The following GBF1 variants were observed in gnomAD, a reference collection of about 807,000 sequenced individuals.
GBF1 encodes the protein Golgi-specific brefeldin A-resistance guanine nucleotide exchange factor 1.
In GBF1, 114 loss-of-function variants were observed where a neutral mutation model predicts 210.5. The ratio of observed to expected loss-of-function variants is 0.54; its 90% CI spans 0.47 to 0.63. The LOEUF (loss-of-function observed/expected upper bound fraction) is 0.63, where lower values mean the gene tolerates loss of function less well. Among genes scored for constraint, GBF1 ranks in the 30% least tolerant of loss-of-function variants. The pLI is 0.00. For synonymous variants in GBF1, 850 were observed against 889.2 expected (o/e 0.96, Z 0.78); for missense variants, 1,851 against 2,357.7 (o/e 0.79, Z 4.45).
intron 3 of GBF1, among the ~76,000 whole-genome samples, chr10:102,329,918 G>C (rs2134299160): frequency 6.6e-6 from 1 of 152,204 alleles, no homozygotes; most frequent in African/African-American, 2.4e-5. Context: ...AGACCAGCCT[G>C]GGCAACATAG....
intron 1 of GBF1, among the ~76,000 whole-genome samples, chr10:102,247,492 C>T (rs1383942232): frequency 6.6e-6 from 1 of 152,170 alleles, no homozygotes; most frequent in Admixed American, 6.5e-5. Context: ...TCCTGCCTTG[C>T]TCACTTGGGC....
intron 1 of GBF1, among the ~76,000 whole-genome samples, chr10:102,252,070 T>C (rs966657235): frequency 1.6e-4 from 25 of 152,070 alleles, no homozygotes; most frequent in African/African-American, 6.0e-4. Context: ...CTGGGCGCAG[T>C]GGCTCACACC....
At chr10:102,316,380 G>A (rs115642759) in intron 3 of GBF1, among the ~76,000 whole-genome samples, 1,575 of 152,216 alleles carry the variant, frequency 0.01, 23 homozygotes, top group African/African-American at 0.036. Context: ...GAGCCACCAC[G>A]CTCGGCCTTC....
chr10:102,242,143 C>A (rs1215603926), upstream of GBF1, among the ~76,000 whole-genome samples: 2 of 152,214 alleles, frequency 1.3e-5, no homozygotes, highest in Non-Finnish European at 2.9e-5. Flanking sequence ...TTCCTCATAT[C>A]TTTCCTCTTC....
intron 3 of GBF1, among the ~76,000 whole-genome samples, chr10:102,264,242 G>C (rs1450138488): frequency 6.6e-6 from 1 of 152,164 alleles, no homozygotes; most frequent in Admixed American, 6.5e-5. Flanking sequence ...CAGAACTGTG[G>C]AGGGAAGTCT....
chr10:102,354,913 C>CTTTTTTTTT (rs5787452), intron 8 of GBF1, among the ~76,000 whole-genome samples: 13 of 132,996 alleles, frequency 9.8e-5, no homozygotes, highest in Non-Finnish European at 8.1e-5. Context: ...TAGTTGGGAT[C>CTTTTTTTTT]TTTTTTTTTT....
In GBF1 at chr10:102,377,771, C is replaced by T. The variant is rs543206272; in HGVS notation, c.4494+631C>T. Among the ~76,000 whole-genome samples the T allele has an allele frequency of 5.3e-5, 8 of 152,298 alleles. No individual in the cohort carries two copies. In the East Asian group the frequency reaches 1.5e-3, roughly 29 times the overall value. ...TTCCTGTCCCCAGCTTCTGAGTTCC[C>T]CTCACTAGAGGCAGCCACTGTCACC... is the stretch of plus-strand genomic sequence containing the variant. On this transcript the variant is annotated intron_variant, in intron 33 of 39. Coordinates refer to ENST00000369983, the MANE Select transcript of GBF1 (RefSeq NM_001377137.1).
intron 3 of GBF1, among the ~76,000 whole-genome samples, chr10:102,306,421 A>G (rs1315126217): frequency 6.6e-6 from 1 of 151,294 alleles, no homozygotes; most frequent in African/African-American, 2.4e-5. Flanking sequence ...CTGTCTCTTT[A>G]TTTGTTTTTT....
Position 102,363,632 on chromosome 10 carries a change from T to C in GBF1, c.2018-78T>C. On this transcript the variant is annotated intron_variant, in intron 16 of 39. Transcript: ENST00000369983. This position sits in a 1 kb window ranked among gnomAD's most constrained non-coding sequence, Gnocchi z 4.2. ...CTCCTTCTTGAAACTGGGGAGTATA[T>C]TGGTGACCTTCCAAAAGTCCTTATC... The C allele has an allele frequency of 1.0e-6, 1 of 964,718 alleles. No individual in the cohort carries two copies. The highest frequency in any genetic ancestry group is 1.8e-5 in the Admixed American group (1 of 56,362). 59.8% of individuals were successfully genotyped at this position (964,718 alleles called of 1,614,324 possible).
intron 8 of GBF1, among the ~76,000 whole-genome samples, chr10:102,354,924 T>C (rs896636208): frequency 6.6e-6 from 1 of 151,808 alleles, no homozygotes; most frequent in Non-Finnish European, 1.5e-5. Context: ...TTTTTTTTTT[T>C]TTTTTTTCTT....
intron 3 of GBF1, among the ~76,000 whole-genome samples, chr10:102,261,620 T>C (rs868207445): frequency 0.014 from 2,112 of 149,388 alleles, 40 homozygotes; most frequent in African/African-American, 0.045. Context: ...TCTTTCTTTT[T>C]TTTTTTTTTT....
chr10:102,286,204 T>G (rs202018807), intron 3 of GBF1, among the ~76,000 whole-genome samples: 49,300 of 147,370 alleles, frequency 0.33, 8,715 homozygotes, highest in South Asian at 0.47. Flanking sequence ...GTTTTTTTTT[T>G]TTTTTTTTTT....
At chr10:102,231,499 G>T in the GBF1 span, 10 of 854,290 alleles carry the variant, frequency 1.2e-5, no homozygotes, top group Non-Finnish European at 1.8e-5. Context: ...CGAGGGAGGG[G>T]GCAGGTGGGG....
intron 3 of GBF1, among the ~76,000 whole-genome samples, chr10:102,306,889 G>C (rs2077932258): frequency 6.6e-6 from 1 of 152,212 alleles, no homozygotes; most frequent in Non-Finnish European, 1.5e-5. Context: ...ACTGATCCAT[G>C]TGTCCACAAT....
rs2060148013 is a variant in GBF1 at position 102,370,531 on chromosome 10, G to A, written c.3506+53G>A. The A allele has an allele frequency of 6.7e-5, 98 of 1,453,636 alleles. 1 individual carries two copies. The South Asian group carries it at 1.1e-3, about 16-fold the overall frequency. 90.0% of individuals were successfully genotyped at this position (1,453,636 alleles called of 1,614,324 possible). Reference sequence around the variant, plus strand: ...CCCCATGCTGGGCTTGTGCCAAAGGGATGGAAGCCATCTTGCTGAGTGGGC... The same window carrying A: ...CCCCATGCTGGGCTTGTGCCAAAGGAATGGAAGCCATCTTGCTGAGTGGGC... On this transcript the variant is annotated intron_variant, in intron 28 of 39. Coordinates refer to ENST00000369983, the MANE Select transcript of GBF1 (RefSeq NM_001377137.1).
intron 33 of GBF1, among the ~76,000 whole-genome samples, chr10:102,377,447 G>A (rs959701090): frequency 1.4e-4 from 21 of 151,886 alleles, no homozygotes; most frequent in African/African-American, 1.9e-4. Context: ...TCCACCTCCC[G>A]GGTTCAAGCG....
chr10:102,312,263 A>C (rs2078516003), intron 3 of GBF1, among the ~76,000 whole-genome samples: 1 of 151,704 alleles, frequency 6.6e-6, no homozygotes, highest in Non-Finnish European at 1.5e-5. Context: ...ATTGCACTCC[A>C]GCCTGGGCAA....
In GBF1 at chr10:102,365,433, C is replaced by T. The variant is rs2059858597; in HGVS notation, c.2143C>T (p.Pro715Ser). 3.7e-6 allele frequency: 6 copies of T among 1,614,088 alleles called. No individual in the cohort carries two copies. The East Asian group carries it at 1.1e-4, about 30-fold the overall frequency. The change falls in exon 18 of 40, where the codon CCA becomes TCA. Residue 715 changes from proline (P) to serine (S), a missense_variant. Around this residue, in one of 3 missense-constraint regions of GBF1, gnomAD observed 804 missense variants for 958.6 expected, o/e 0.84. Transcript: ENST00000369983. ...TGGCACAGAGCAGTTCAATCAGAAA[C>T]CAAAGAAGGGGATTCAGTTTCTGCA... The part of the protein sequence containing the change: ...ITGTEQFNQK[P>S]KKGIQFLQEK...
intron 1 of GBF1, among the ~76,000 whole-genome samples, chr10:102,250,443 AT>A (rs888324469): frequency 7.3e-5 from 11 of 150,532 alleles, no homozygotes; most frequent in Admixed American, 1.3e-4. Flanking sequence ...TGCAGCCTTG[AT>A]TTTTTTTGGC....
Sources: gnomAD v4.1 joint callset for allele counts (sites outside exome capture counted in the v4.1 genomes callset) on GRCh38, gnomAD v4.1.1 for gene constraint, gnomAD v4.1.1 regional missense constraint, Gnocchi (gnomAD v3.1) non-coding constraint, MANE v1.5 for transcripts, NCBI Gene and HGNC (gene_info 2026-07-23, HGNC 2026-07-21) for gene names.